DZIP1: variants seen among roughly 807,000 people sequenced by gnomAD.
DZIP1 encodes the protein cilium assembly protein DZIP1.
In DZIP1, 97 loss-of-function variants were observed where a neutral mutation model predicts 107.6. That is an observed-to-expected ratio of 0.90 (90% CI 0.77 to 1.07). The LOEUF (loss-of-function observed/expected upper bound fraction) is 1.07, where lower values mean the gene tolerates loss of function less well. Ranked by LOEUF, DZIP1 falls within the 50% of genes least tolerant of loss-of-function variation. DZIP1 has a pLI of 0.00. For missense variants in DZIP1, 1,035 were observed against 1,063.6 expected, an observed-to-expected ratio of 0.97 and a Z score of 0.37; for synonymous variants, 390 against 386.4, an observed-to-expected ratio of 1.01 and a Z score of -0.11.
At chr13:95,585,048 G>A (rs193010670) in intron 21 of DZIP1, 138 bp from the exon 22 acceptor site, 488 of 599,104 alleles carry the variant, frequency 8.1e-4, no homozygotes, top group Non-Finnish European at 9.2e-4. Context: ...TCCAAATCTA[G>A]TCATTTCTGC....
At chr13:95,584,019 C>T (rs1566355043) in intron 22 of DZIP1, among the ~76,000 whole-genome samples, 1 of 151,766 alleles carries the variant, frequency 6.6e-6, no homozygotes, top group African/African-American at 2.4e-5. Flanking sequence ...ACTCTTTTGC[C>T]AGGCTGGAGT....
Position 95,641,665 on chromosome 13 carries a change from T to A in DZIP1, c.227A>T (p.Asp76Val). The A allele has an allele frequency of 6.2e-7, 1 of 1,607,326 alleles. No homozygotes were observed. Among genetic ancestry groups the A allele is most frequent in the Non-Finnish European group, 8.5e-7 (1 of 1,179,964 alleles). Residue 76 changes from aspartate to valine, a missense_variant, in exon 5 of 23, where the codon GAC becomes GTC. Coordinates refer to ENST00000376829, the MANE Select transcript of DZIP1 (RefSeq NM_198968.4). This position sits in a 1 kb window ranked among gnomAD's most constrained non-coding sequence, Gnocchi z 4.3. ...CACAGCCCCCGCCACCTTGTCCACG[T>A]CGATGGCGCTCAGCCGCCGCCAGTC... The part of the protein sequence containing the change: ...SVDWRRLSAI[D>V]VDKVAGAVDV...
At chr13:95,589,972 T>A (rs1488279413) in intron 17 of DZIP1, 40 bp from the exon 18 acceptor site, 3 of 1,602,130 alleles carry the variant, frequency 1.9e-6, no homozygotes, top group Admixed American at 3.5e-5. Flanking sequence ...ATTACCTTTA[T>A]GATCAGTAAG....
At chr13:95,617,418 C>T (rs1875249725) in intron 10 of DZIP1, among the ~76,000 whole-genome samples, 1 of 152,106 alleles carries the variant, frequency 6.6e-6, no homozygotes, top group African/African-American at 2.4e-5. Flanking sequence ...TCAATGCAGC[C>T]TGTGAGTCCC....
intron 21 of DZIP1, among the ~76,000 whole-genome samples, chr13:95,585,308 C>A (rs1223499299): frequency 6.6e-6 from 1 of 152,148 alleles, no homozygotes; most frequent in African/African-American, 2.4e-5. Flanking sequence ...AACCGAATAG[C>A]CCCCAACTGA....
rs1594751424 is a variant in DZIP1 at position 95,642,149 on chromosome 13, T to TG, written c.-121dup. On this transcript the variant is annotated 5_prime_UTR_variant, in exon 4 of 23. Coordinates refer to ENST00000376829, the MANE Select transcript of DZIP1 (RefSeq NM_198968.4). ...TCCGCGGCGGCGGCGGCCTAAGGTC[T>TG]GGGCGTCCAGGACGTTGCTATAGCA... The TG allele has an allele frequency of 7.5e-7, 1 of 1,335,022 alleles. No individual in the cohort carries two copies. Among genetic ancestry groups the TG allele is most frequent in the East Asian group, 3.0e-5 (1 of 32,804 alleles). 82.7% of individuals were successfully genotyped at this position (1,335,022 alleles called of 1,614,324 possible).
rs368276400 is a variant in DZIP1, at chr13:95,610,111, T to TGTGTGTGTGAGA, written c.1364-599_1364-598insTCTCACACACAC. Among the ~76,000 whole-genome samples the TGTGTGTGTGAGA allele has an allele frequency of 2.9e-4, 37 of 126,766 alleles. 1 individual carries two copies. Among genetic ancestry groups the TGTGTGTGTGAGA allele is most frequent in the East Asian group, 1.3e-3 (6 of 4,474 alleles). 83.2% of individuals were successfully genotyped at this position (126,766 alleles called of 152,430 possible). On this transcript the variant is annotated intron_variant, in intron 12 of 22. Coordinates refer to ENST00000376829, the MANE Select transcript of DZIP1 (RefSeq NM_198968.4). The stretch of plus-strand genomic sequence containing the variant: ...GTGTGTGTGTGTGTGTGTGTGTGTG[T>TGTGTGTGTGAGA]GAGAGAGAGACAGAGAGAGAGAGAC...
Position 95,584,913 on chromosome 13 carries a change from A to G in DZIP1, c.2350-3T>C. On this transcript the variant is annotated splice_polypyrimidine_tract_variant and splice_region_variant and intron_variant, in intron 21 of 22. Transcript: ENST00000376829. ...TCTTCATCCTCCACATCCGCACACT[A>G]AAAGAAAGGCATGGAGAATAATTAA... The G allele has an allele frequency of 6.2e-7, 1 of 1,607,658 alleles. No homozygotes were observed. The highest frequency in any genetic ancestry group is 8.5e-7 in the Non-Finnish European group (1 of 1,177,494).
In DZIP1 at chr13:95,611,453, T is replaced by C. The variant is rs1023180745; in HGVS notation, c.1355A>G (p.Glu452Gly). The change falls in exon 12 of 23, where the codon GAA (glutamate) becomes GGA (glycine). Residue 452 changes from glutamate to glycine, a missense_variant. Glu to Gly is a moderately conservative substitution (Grantham distance 98). Transcript: ENST00000376829. The part of the protein sequence containing the change: ...FTCNPLNSIS[E>G]PKGNPLAWQA... ...GGATCCCATCCACTTACCTTTGGGT[T>C]CACTGATACTGTTTAATGGATTACA... The C allele has an allele frequency of 2.8e-5, 45 of 1,613,714 alleles. No homozygotes were observed. Among genetic ancestry groups the C allele is most frequent in the Non-Finnish European group, 3.7e-5 (44 of 1,179,626 alleles).
intron 18 of DZIP1, 28 bp from the exon 19 acceptor site, chr13:95,589,235 A>C: frequency 6.7e-7 from 1 of 1,502,262 alleles, no homozygotes; most frequent in Non-Finnish European, 9.2e-7. Flanking sequence ...AAATATTTTT[A>C]AATTGCATAA....
chr13:95,586,203 T>C, intron 20 of DZIP1, 67 bp from the exon 21 acceptor site: 3 of 1,365,960 alleles, frequency 2.2e-6, no homozygotes, highest in Non-Finnish European at 2.0e-6. Flanking sequence ...AGTTCCAAAA[T>C]AACCTTACAG....
chr13:95,583,671 A>T (rs2044068561), intron 22 of DZIP1, among the ~76,000 whole-genome samples: 1 of 152,200 alleles, frequency 6.6e-6, no homozygotes, highest in African/African-American at 2.4e-5. Flanking sequence ...GCTACAAGAG[A>T]AACCTCCCTT....
At position 95,641,532 on chromosome 13, in the gene DZIP1, G is replaced by A; in HGVS notation, c.360C>T (p.Leu120=). Residue 120 remains leucine, a synonymous_variant, in exon 5 of 23, where the codon CTC becomes CTT. Transcript: ENST00000376829. The surrounding 1 kb of genome is among the most constrained non-coding windows in gnomAD (Gnocchi z 4.3). ...QSGVDPVLLK[L]IRLAQFTIEY... is the part of the protein sequence containing the mutation. ...CGATGGTGAACTGCGCCAGACGGAT[G>A]AGCTTCAGCAGCACCGGGTCCACCC... The A allele has an allele frequency of 6.2e-7, 1 of 1,614,082 alleles. No homozygotes were observed. Among genetic ancestry groups the A allele is most frequent in the Non-Finnish European group, 8.5e-7 (1 of 1,180,050 alleles).
intron 7 of DZIP1, 117 bp from the exon 8 acceptor site, chr13:95,625,046 T>C: frequency 3.3e-6 from 3 of 904,832 alleles, no homozygotes; most frequent in Non-Finnish European, 4.9e-6. Context: ...CTTATTTCAG[T>C]GAGGCTTGTA....
intron 13 of DZIP1, among the ~76,000 whole-genome samples, chr13:95,607,327 A>G (rs911316632): frequency 1.3e-5 from 2 of 152,222 alleles, no homozygotes; most frequent in Non-Finnish European, 2.9e-5. Context: ...GATTACAGGC[A>G]TGAGCCACCA....
intron 19 of DZIP1, 115 bp downstream of exon 19, chr13:95,589,039 G>C (rs944938592): frequency 2.3e-6 from 2 of 852,378 alleles, no homozygotes; most frequent in African/African-American, 1.7e-5. Flanking sequence ...GACAAATTAT[G>C]ATATTAAATA....
At position 95,643,713 on chromosome 13, in the gene DZIP1, GC is replaced by G. The variant is rs1277937850; in HGVS notation, c.-525-16del. On this transcript the variant is annotated splice_polypyrimidine_tract_variant and intron_variant, in intron 1 of 22. Coordinates refer to ENST00000376829, the MANE Select transcript of DZIP1 (RefSeq NM_198968.4). ...GTCCCTAGAACCTAGCAGAGGACAGGCACGGAGAAGGCGTTCAGAATTTGCT... is the reference window on the plus strand; with the variant it reads ...GTCCCTAGAACCTAGCAGAGGACAGGACGGAGAAGGCGTTCAGAATTTGCT... 1 of 152,700 alleles carries G rather than the reference GC, an allele frequency of 6.5e-6. No individual in the cohort carries two copies. Among genetic ancestry groups the G allele is most frequent in the Non-Finnish European group, 1.5e-5 (1 of 68,092 alleles). The allele number at this position is 152,700 out of a possible 1,614,324, so 9.5% of individuals were successfully genotyped here.
chr13:95,609,536 G>A (rs1474056360), intron 12 of DZIP1, 23 bp from the exon 13 acceptor site: 4 of 1,556,430 alleles, frequency 2.6e-6, no homozygotes, highest in Non-Finnish European at 2.6e-6. Flanking sequence ...AAAAATAAAT[G>A]AACAAAAAAC....
At chr13:95,607,950 T>G (rs1440208996) in intron 13 of DZIP1, among the ~76,000 whole-genome samples, 1 of 152,244 alleles carries the variant, frequency 6.6e-6, no homozygotes, top group Non-Finnish European at 1.5e-5. Flanking sequence ...AGGTCTGATT[T>G]ATTTATTGCA....
Sources: allele counts gnomAD v4.1 joint callset (sites outside exome capture counted in the v4.1 genomes callset), GRCh38; gene constraint gnomAD v4.1.1; non-coding constraint Gnocchi (gnomAD v3.1); transcripts MANE v1.5; gene names NCBI Gene and HGNC (gene_info 2026-07-23, HGNC 2026-07-21).